IL17RC: variants seen among roughly 807,000 people sequenced by gnomAD.
The protein encoded by IL17RC is interleukin 17 receptor C, also known as interleukin-17 receptor C.
A neutral mutation model predicts 86.7 loss-of-function variants in IL17RC; 53 were observed. The ratio of observed to expected loss-of-function variants is 0.61; its 90% CI spans 0.49 to 0.77. IL17RC has a LOEUF of 0.77. Ranked by LOEUF, IL17RC falls within the 30% of genes least tolerant of loss-of-function variation. The pLI, the probability that IL17RC is intolerant of heterozygous loss-of-function variation, is 0.00. For missense variants in IL17RC, 957 were observed against 940.0 expected, an observed-to-expected ratio of 1.02 and a Z score of -0.24; for synonymous variants, 439 against 413.1, an observed-to-expected ratio of 1.06 and a Z score of -0.76.
At chr3:9,918,694 G>T (rs921625333) in intron 5 of IL17RC, 85 bp downstream of exon 5, 7 of 947,382 alleles carry the variant, frequency 7.4e-6, no homozygotes, top group South Asian at 1.4e-5. Context: ...GATTACAAAA[G>T]AATTAAATTT....
At chr3:9,918,844 G>A (rs766349944) in intron 5 of IL17RC, among the ~76,000 whole-genome samples, 27 of 152,114 alleles carry the variant, frequency 1.8e-4, no homozygotes, top group Non-Finnish European at 3.5e-4. Context: ...AGCCTGTTAT[G>A]CCTCAGCTTT....
Position 9,928,396 on chromosome 3 carries a change from C to T in IL17RC, c.969C>T (p.Pro323=), listed in dbSNP as rs137952141. 1.9e-3 allele frequency: 3,057 copies of T among 1,604,950 alleles called. 4 individuals are homozygous for T. The highest frequency in any genetic ancestry group is 2.5e-3 in the Non-Finnish European group (2,891 of 1,176,582). The stretch of plus-strand genomic sequence containing the variant: ...TGCTGGACGCACCGTGCTCGCTGCC[C>T]GCAGAAGCGGCACTGTGCTGGCGGG... ...SWLLDAPCSL[P]AEAALCWRAP... is the part of the protein sequence containing the mutation. The change falls in exon 11 of 19, where the codon CCC becomes CCT. Residue 323 remains proline, a synonymous_variant. Coordinates refer to ENST00000403601, the MANE Select transcript of IL17RC (RefSeq NM_153460.4).
In IL17RC at chr3:9,918,068, C is replaced by T. The variant is rs1205369392; in HGVS notation, c.273C>T (p.Ala91=). 4.4e-6 allele frequency: 7 copies of T among 1,577,586 alleles called. No homozygotes were observed. The highest frequency in any genetic ancestry group is 1.9e-5 in the Admixed American group (1 of 53,686). ...DLCLRVAVHL[A]VHGHWEEPED... ...GTCTGCGTGTGGCTGTCCACTTGGC[C>T]GTGCATGGTGAGCAAGTCATCCTGT... is the stretch of plus-strand genomic sequence containing the variant. The change falls in exon 3 of 19, where the codon GCC becomes GCT. Residue 91 remains alanine (A), a synonymous_variant. Transcript: ENST00000403601.
chr3:9,920,895 A>C (rs1307010849), intron 6 of IL17RC, 30 bp from the exon 7 acceptor site: 1 of 1,600,560 alleles, frequency 6.2e-7, no homozygotes. Context: ...CCCCAGCCCC[A>C]CTGGAGGCTC....
chr3:9,926,585 C>G (rs1234983108), intron 9 of IL17RC, among the ~76,000 whole-genome samples: 1 of 151,720 alleles, frequency 6.6e-6, no homozygotes, highest in Non-Finnish European at 1.5e-5. Flanking sequence ...CACATAGCGC[C>G]TACTTGTTTT....
chr3:9,928,069 T>G, intron 9 of IL17RC, 97 bp from the exon 10 acceptor site: 3 of 1,171,466 alleles, frequency 2.6e-6, no homozygotes, highest in Non-Finnish European at 1.3e-6. Context: ...CAAGTGTTTG[T>G]GAAATACCTG....
Position 9,917,412 on chromosome 3 carries a change from T to C in IL17RC, c.97T>C (p.Cys33Arg). 6.2e-7 allele frequency: 1 copy of C among 1,614,172 alleles called. No homozygotes were observed. The highest frequency in any genetic ancestry group is 1.3e-5 in the African/African-American group (1 of 75,054). Residue 33 changes from cysteine (C) to arginine (R), a missense_variant, in exon 1 of 19, where the codon TGC becomes CGC. Coordinates refer to ENST00000403601, the MANE Select transcript of IL17RC (RefSeq NM_153460.4). ...RLVGPQDATH[C>R]SPGLSCRLWD... is the part of the protein sequence containing the mutation. ...TGTGGGGCCTCAGGACGCTACCCAC[T>C]GCTCTCCGGTGAGTCTGGAACCCTG...
Position 9,929,909 on chromosome 3 carries a change from C to T in IL17RC, c.1156+12C>T. The stretch of plus-strand genomic sequence containing the variant: ...GTGCTTGTGGGCTGGTGAGTTGGGC[C>T]TGGGGGCAGCTGGGGCAGGGCCACC... On this transcript the variant is annotated intron_variant, in intron 13 of 18. Transcript: ENST00000403601. 6.2e-7 allele frequency: 1 copy of T among 1,614,028 alleles called. No homozygotes were observed. The highest frequency in any genetic ancestry group is 8.5e-7 in the Non-Finnish European group (1 of 1,179,968).
chr3:9,922,694 G>A (rs2083682798), intron 7 of IL17RC, among the ~76,000 whole-genome samples: 1 of 152,202 alleles, frequency 6.6e-6, no homozygotes, highest in African/African-American at 2.4e-5. Flanking sequence ...AAGTTAGACA[G>A]TGATTAGCAC....
Position 9,930,053 on chromosome 3 carries a change from T to C in IL17RC, c.1182T>C (p.Asp394=), listed in dbSNP as rs2084507600. 1 of 1,614,100 alleles carries C rather than the reference T, an allele frequency of 6.2e-7. No individual in the cohort carries two copies. The highest frequency in any genetic ancestry group is 8.5e-7 in the Non-Finnish European group (1 of 1,180,006). The change falls in exon 14 of 19, where the codon GAT becomes GAC. Residue 394 remains aspartate, a synonymous_variant. Coordinates refer to ENST00000403601, the MANE Select transcript of IL17RC (RefSeq NM_153460.4). The surrounding 1 kb of genome is among the most constrained non-coding windows in gnomAD (Gnocchi z 5.8). ...WADSLGPLKD[D]VLLLETRGPQ... is the part of the protein sequence containing the mutation. The stretch of plus-strand genomic sequence containing the variant: ...ACTCCCTGGGGCCTCTCAAAGACGA[T>C]GTGCTACTGTTGGAGACACGAGGCC...
chr3:9,923,797 T>G, intron 7 of IL17RC, 84 bp from the exon 8 acceptor site: 10 of 1,433,796 alleles, frequency 7.0e-6, no homozygotes, highest in South Asian at 2.7e-5. Context: ...GTCTAGGGGG[T>G]TTGAAGGAAA....
Position 9,918,015 on chromosome 3 carries a change from T to C in IL17RC, c.220T>C (p.Cys74Arg). The stretch of plus-strand genomic sequence containing the variant: ...CCTGCAGACAGAGCTGGTGCTGAGG[T>C]GCCAGAAGGAGACCGACTGTGACCT... Reference protein sequence around the residue: ...THLQTELVLRCQKETDCDLCL... With the variant: ...THLQTELVLRRQKETDCDLCL... The change falls in exon 3 of 19, where the codon TGC becomes CGC. Residue 74 changes from cysteine (C) to arginine (R), a missense_variant. Physicochemically the swap from Cys to Arg is radical, Grantham distance 180. Transcript: ENST00000403601. 6.2e-7 allele frequency: 1 copy of C among 1,613,362 alleles called. No homozygotes were observed. Among genetic ancestry groups the C allele is most frequent in the Non-Finnish European group, 8.5e-7 (1 of 1,179,648 alleles).
intron 7 of IL17RC, among the ~76,000 whole-genome samples, chr3:9,922,843 AG>A (rs1208921259): frequency 1.3e-5 from 2 of 152,088 alleles, no homozygotes; most frequent in Non-Finnish European, 2.9e-5. Flanking sequence ...GCCAGCAAAA[AG>A]GGCCTGGGGT....
Position 9,933,499 on chromosome 3 carries a change from C to G in IL17RC, c.2069C>G (p.Pro690Arg), listed in dbSNP as rs761009426. ...RAEQVSRALQ[P>R]ALDSYFHPPG... ...GAGCAAGTGTCCCGGGCCCTTCAGC[C>G]AGCCCTGGATAGCTACTTCCATCCC... The change falls in exon 19 of 19, where the codon CCA becomes CGA. Residue 690 changes from proline (P) to arginine (R), a missense_variant. Pro to Arg is a moderately radical substitution (Grantham distance 103). Coordinates refer to ENST00000403601, the MANE Select transcript of IL17RC (RefSeq NM_153460.4). 6.2e-7 allele frequency: 1 copy of G among 1,611,580 alleles called. No individual in the cohort carries two copies. The highest frequency in any genetic ancestry group is 8.5e-7 in the Non-Finnish European group (1 of 1,179,312).
rs753283137 is a variant in IL17RC at position 9,917,970 on chromosome 3, C to T, written c.175C>T (p.Pro59Ser). 2.5e-6 allele frequency: 4 copies of T among 1,613,768 alleles called. No individual in the cohort carries two copies. Among genetic ancestry groups the T allele is most frequent in the East Asian group, 4.5e-5 (2 of 44,882 alleles). Residue 59 changes from proline to serine, a missense_variant, in exon 3 of 19, where the codon CCC (proline) becomes TCC (serine). Coordinates refer to ENST00000403601, the MANE Select transcript of IL17RC (RefSeq NM_153460.4). Reference sequence around the variant, plus strand: ...TGGGGACATCGTGCCTGCTCCGGGCCCCGTGCTGGCGCCTACGCACCTGCA... The same window carrying T: ...TGGGGACATCGTGCCTGCTCCGGGCTCCGTGCTGGCGCCTACGCACCTGCA... ...LPGDIVPAPGPVLAPTHLQTE... is the reference protein window; with the variant it reads ...LPGDIVPAPGSVLAPTHLQTE...
intron 8 of IL17RC, 27 bp from the exon 9 acceptor site, chr3:9,924,205 A>T (rs753294396): frequency 1.2e-6 from 2 of 1,613,712 alleles, no homozygotes; most frequent in Non-Finnish European, 8.5e-7. Flanking sequence ...TATCTTCTCC[A>T]ACCTCCTTCC....
At chr3:9,920,272 T>G (rs2083432543) in intron 5 of IL17RC, 1 of 524,556 alleles carries the variant, frequency 1.9e-6, no homozygotes, top group Non-Finnish European at 3.4e-6. Context: ...TCTAGGGCCT[T>G]TTCCCGCCCT....
intron 16 of IL17RC, among the ~76,000 whole-genome samples, chr3:9,931,870 G>GT (rs950174319): frequency 1.1e-4 from 13 of 120,792 alleles, no homozygotes; most frequent in African/African-American, 3.7e-4. Flanking sequence ...TCAATTGGAG[G>GT]TAAAAAAAAA....
rs779717311 is a variant in IL17RC at position 9,924,080 on chromosome 3, G to A, written c.762+60G>A. 140 of 1,610,786 alleles carry A rather than the reference G, an allele frequency of 8.7e-5. No individual in the cohort carries two copies. The African/African-American group carries it at 1.4e-3, about 16-fold the overall frequency. ...GTAGGCCGATGCCTGTGCAAAGGAC[G>A]CAGTGCCATATCAGAGAGGATCCTT... On this transcript the variant is annotated intron_variant, in intron 8 of 18. Coordinates refer to ENST00000403601, the MANE Select transcript of IL17RC (RefSeq NM_153460.4).
Sources: allele counts gnomAD v4.1 joint callset (sites outside exome capture counted in the v4.1 genomes callset), GRCh38; gene constraint gnomAD v4.1.1; non-coding constraint Gnocchi (gnomAD v3.1); transcripts MANE v1.5; gene names NCBI Gene and HGNC (gene_info 2026-07-23, HGNC 2026-07-21).